Variants in MACF1 observed in about 807,000 individuals in gnomAD.
The protein encoded by MACF1 is microtubule-actin cross-linking factor 1.
Under a neutral mutation model 854.8 loss-of-function variants are expected in MACF1, and 193 were observed. That is an observed-to-expected ratio of 0.23 (90% CI 0.20 to 0.25). The LOEUF (loss-of-function observed/expected upper bound fraction) is 0.25, where lower values mean the gene tolerates loss of function less well. Ranked by LOEUF, MACF1 falls within the 10% of genes least tolerant of loss-of-function variation. MACF1 has a pLI of 1.00. For missense variants in MACF1, 7,722 were observed against 8,929.1 expected (o/e 0.86, Z 5.45); for synonymous variants, 3,185 against 3,226.7 (o/e 0.99, Z 0.44).
intron 1 of MACF1, among the ~76,000 whole-genome samples, chr1:39,225,547 T>G (rs1644707155): frequency 6.6e-6 from 1 of 152,204 alleles, no homozygotes; most frequent in South Asian, 2.1e-4. Flanking sequence ...AGCCTTCTAA[T>G]TCAGTAACCC....
upstream of MACF1, among the ~76,000 whole-genome samples, chr1:39,199,697 A>T (rs1299906374): frequency 6.6e-6 from 1 of 152,188 alleles, no homozygotes; most frequent in Non-Finnish European, 1.5e-5. Context: ...CTTCCAAGCA[A>T]GTCCATCTTC....
At chr1:39,458,914 C>A in intron 90 of MACF1, 172 bp from the exon 91 acceptor site, 1 of 612,468 alleles carries the variant, frequency 1.6e-6, no homozygotes, top group Non-Finnish European at 2.8e-6. Context: ...CTGGGAGGAT[C>A]AGTACTTTTG....
Position 39,105,504 on chromosome 1 carries a change from A to C in MACF1, c.220+21066A>C. 9.9e-7 allele frequency: 1 copy of C among 1,014,018 alleles called. No homozygotes were observed. Among genetic ancestry groups the C allele is most frequent in the Non-Finnish European group, 1.2e-6 (1 of 849,674 alleles). 62.8% of individuals were successfully genotyped at this position (1,014,018 alleles called of 1,614,324 possible). On this transcript the variant is annotated intron_variant, in intron 2 of 93. Coordinates refer to the MACF1 transcript ENST00000361689. This position sits in a 1 kb window ranked among gnomAD's most constrained non-coding sequence, Gnocchi z 5.9. Reference sequence around the variant, plus strand: ...CGAGGCGGGCGGACGGCGGAGAGCGAGGGCGCCGTCGCCGTCTCTGAGACG... The same window carrying C: ...CGAGGCGGGCGGACGGCGGAGAGCGCGGGCGCCGTCGCCGTCTCTGAGACG...
At chr1:39,154,218 A>G (rs1643637997) in intron 2 of MACF1, 1 of 152,246 alleles carries the variant, frequency 6.6e-6, no homozygotes, top group Non-Finnish European at 1.5e-5. Flanking sequence ...CTACTATCCA[A>G]GTACTAACCA....
intron 58 of MACF1, among the ~76,000 whole-genome samples, chr1:39,391,096 G>A (rs1642016400): frequency 6.7e-6 from 1 of 150,100 alleles, no homozygotes; most frequent in Non-Finnish European, 1.5e-5. Flanking sequence ...GGGTGACAGA[G>A]TGAGACTCCT....
At position 39,261,492 on chromosome 1, in the gene MACF1, C is replaced by G. The variant is rs192634579; in HGVS notation, c.528+3464C>G. On this transcript the variant is annotated intron_variant, in intron 6 of 100. Coordinates refer to ENST00000564288, the MANE Select transcript of MACF1 (RefSeq NM_001394062.1). The stretch of plus-strand genomic sequence containing the variant: ...TTTCATCACCAGCCTCAGGCAGCCA[C>G]TAATTTATTTTCTATCTTGATAGAT... Among the ~76,000 whole-genome samples the G allele has an allele frequency of 2.0e-3, 305 of 152,268 alleles. 2 individuals carry two copies. The highest frequency in any genetic ancestry group is 7.1e-3 in the African/African-American group (295 of 41,550).
intron 2 of MACF1, among the ~76,000 whole-genome samples, chr1:39,152,464 C>T (rs1643600537): frequency 6.6e-6 from 1 of 151,994 alleles, no homozygotes; most frequent in East Asian, 1.9e-4. Flanking sequence ...TAGACAAGTA[C>T]AGAAAATGTA....
chr1:39,358,070 A>C (rs1426043687), intron 45 of MACF1, among the ~76,000 whole-genome samples, 177 bp downstream of exon 45: 1 of 152,214 alleles, frequency 6.6e-6, no homozygotes, highest in Non-Finnish European at 1.5e-5. Context: ...ATACATAGGT[A>C]CTAGCCCAAA....
At position 39,134,250 on chromosome 1, in the gene MACF1, G is replaced by A. The variant is rs1024734889; in HGVS notation, c.220+49812G>A. Among the ~76,000 whole-genome samples, 3 of 150,876 alleles carry A rather than the reference G, an allele frequency of 2.0e-5. No homozygotes were observed. The East Asian group carries it at 5.9e-4, about 29-fold the overall frequency. ...TTTAGTAGAGACGGGGTTTCACTGT[G>A]TTAGCCAGGATGGTTTCGATCTCCT... On this transcript the variant is annotated intron_variant, in intron 2 of 93. Transcript: ENST00000361689.
intron 2 of MACF1, among the ~76,000 whole-genome samples, chr1:39,173,071 G>A (rs1159929220): frequency 6.6e-6 from 1 of 152,118 alleles, no homozygotes; most frequent in Non-Finnish European, 1.5e-5. Context: ...GGCCGGGCGC[G>A]GTGGCTTTGC....
chr1:39,246,729 C>G (rs1393979256), intron 2 of MACF1, among the ~76,000 whole-genome samples: 1 of 151,908 alleles, frequency 6.6e-6, no homozygotes. Flanking sequence ...AGACTGGTCT[C>G]GAACTCCTGA....
chr1:39,268,879 C>A, intron 6 of MACF1: 1 of 1,289,510 alleles, frequency 7.8e-7, no homozygotes, highest in Non-Finnish European at 1.0e-6. Flanking sequence ...ATTGAAGAGA[C>A]TGAAACCCTA....
chr1:39,446,916 A>G (rs1644242797), intron 80 of MACF1, among the ~76,000 whole-genome samples: 1 of 152,228 alleles, frequency 6.6e-6, no homozygotes, highest in Non-Finnish European at 1.5e-5. Context: ...TTCTTATAGC[A>G]TAAGCATAAT....
chr1:39,423,308 T>C (rs546048671), intron 60 of MACF1, among the ~76,000 whole-genome samples: 1 of 152,334 alleles, frequency 6.6e-6, no homozygotes, highest in Non-Finnish European at 1.5e-5. Context: ...TATTTTTTTC[T>C]CAGCTTTATT....
chr1:39,388,382 A>G lies in MACF1; in HGVS notation c.15540A>G (p.Glu5180=), dbSNP rs764084552. Residue 5180 remains glutamate, a synonymous_variant, in exon 58 of 101, where the codon GAA becomes GAG. Transcript: ENST00000564288. Reference sequence around the variant, plus strand: ...TCAAATTAGACATAGAGGCCTCTGAAGCAGAGTGTCGACATATGCTAGAAG... The same window carrying G: ...TCAAATTAGACATAGAGGCCTCTGAGGCAGAGTGTCGACATATGCTAGAAG... ...HVLKLDIEAS[E]AECRHMLEEE... 27 of 1,614,046 alleles carry G rather than the reference A, an allele frequency of 1.7e-5. No individual in the cohort carries two copies. The Admixed American group carries it at 4.5e-4, about 27-fold the overall frequency.
chr1:39,393,192 AAAAAATATATAT>A (rs1229193102), intron 58 of MACF1, among the ~76,000 whole-genome samples: 8 of 84,680 alleles, frequency 9.4e-5, no homozygotes, highest in South Asian at 9.3e-4. Context: ...AAAAAAAAAA[AAAAAATATATAT>A]ATATATATAT....
At chr1:39,157,833 A>G (rs1248767015) in intron 2 of MACF1, among the ~76,000 whole-genome samples, 1 of 152,122 alleles carries the variant, frequency 6.6e-6, no homozygotes, top group Non-Finnish European at 1.5e-5. Context: ...CAGCTCCCCA[A>G]GTAGCTGGGA....
chr1:39,448,413 A>G (rs1394231486), intron 83 of MACF1, among the ~76,000 whole-genome samples, 181 bp from the exon 84 acceptor site: 1 of 152,218 alleles, frequency 6.6e-6, no homozygotes, highest in Non-Finnish European at 1.5e-5. Flanking sequence ...GCACTTCTAT[A>G]TATGGTATAA....
Position 39,335,339 on chromosome 1 carries a change from A to G in MACF1, c.8751A>G (p.Ile2917Met), listed in dbSNP as rs1464876490. ...AGCAGGAAAAAGCAGTGACAAAAAT[A>G]GAAATTATTTCTCATATGAAGCAGT... is the stretch of plus-strand genomic sequence containing the variant. ...NEEQEKAVTK[I>M]EIISHMKQST... Residue 2917 changes from isoleucine (I) to methionine (M), a missense_variant, in exon 37 of 101, where the codon ATA becomes ATG. Physicochemically the swap from Ile to Met is conservative, Grantham distance 10. Transcript: ENST00000564288. The G allele has an allele frequency of 1.7e-5, 27 of 1,613,828 alleles. No individual in the cohort carries two copies. Among genetic ancestry groups the G allele is most frequent in the Non-Finnish European group, 2.1e-5 (25 of 1,179,918 alleles).
Sources: gnomAD v4.1 joint callset for allele counts (sites outside exome capture counted in the v4.1 genomes callset) on GRCh38, gnomAD v4.1.1 for gene constraint, Gnocchi (gnomAD v3.1) non-coding constraint, MANE v1.5 for transcripts, NCBI Gene and HGNC (gene_info 2026-07-23, HGNC 2026-07-21) for gene names.